Variants in RAP2A observed in about 807,000 individuals in gnomAD.
The protein encoded by RAP2A is RAP2A, member of RAS oncogene family, also known as ras-related protein Rap-2a.
RAP2A carries 5 observed loss-of-function variants against 15.1 expected under a neutral mutation model. That is an observed-to-expected ratio of 0.33 (90% CI 0.17 to 0.70). The LOEUF (loss-of-function observed/expected upper bound fraction) is 0.70. RAP2A is among the 30% of genes least tolerant of loss of function. RAP2A has a pLI of 0.68. For synonymous variants in RAP2A, 110 were observed against 99.7 expected (o/e 1.10, Z -0.62); for missense variants, 111 against 240.3 (o/e 0.46, Z 3.56).
chr13:97,458,931 G>C (rs896877341), intron 1 of RAP2A, among the ~76,000 whole-genome samples: 1 of 152,036 alleles, frequency 6.6e-6, no homozygotes, highest in Non-Finnish European at 1.5e-5. Context: ...AAGCAGAGCT[G>C]CTTAAAAGAA....
intron 1 of RAP2A, among the ~76,000 whole-genome samples, chr13:97,454,707 A>G (rs772208605): frequency 1.3e-5 from 2 of 151,362 alleles, no homozygotes; most frequent in East Asian, 1.9e-4. Context: ...AGTATTTACT[A>G]TTTTTCTTTC....
intron 1 of RAP2A, among the ~76,000 whole-genome samples, chr13:97,449,340 A>T (rs1296519661): frequency 6.6e-6 from 1 of 152,184 alleles, no homozygotes. Context: ...ACCAGTTAGG[A>T]GACTGTTGCA....
intron 1 of RAP2A, among the ~76,000 whole-genome samples, chr13:97,440,853 A>G (rs567920732): frequency 6.6e-5 from 10 of 152,326 alleles, no homozygotes; most frequent in Admixed American, 2.0e-4. Context: ...AGAACACAAC[A>G]TAAGTTCTGT....
chr13:97,463,337 C>A (rs2066756356), intron 1 of RAP2A, among the ~76,000 whole-genome samples: 1 of 152,168 alleles, frequency 6.6e-6, no homozygotes, highest in African/African-American at 2.4e-5. Context: ...GAGCTTCTTT[C>A]TTTGTTCTTT....
At chr13:97,445,832 G>C (rs1254158766) in intron 1 of RAP2A, among the ~76,000 whole-genome samples, 1 of 152,126 alleles carries the variant, frequency 6.6e-6, no homozygotes, top group Non-Finnish European at 1.5e-5. Context: ...CTTAATTATG[G>C]TAGGATGCCT....
At chr13:97,456,490 G>A (rs1401787980) in intron 1 of RAP2A, among the ~76,000 whole-genome samples, 3 of 152,080 alleles carry the variant, frequency 2.0e-5, no homozygotes, top group African/African-American at 4.8e-5. Context: ...GTTCTCAAGT[G>A]GTTTTTAAAT....
At chr13:97,452,606 T>C (rs1164186927) in intron 1 of RAP2A, among the ~76,000 whole-genome samples, 2 of 149,972 alleles carry the variant, frequency 1.3e-5, no homozygotes, top group Non-Finnish European at 3.0e-5. Context: ...TGCATTTCTG[T>C]AGAATCCTTT....
At position 97,462,051 on chromosome 13, in the gene RAP2A, T is replaced by C. The variant is rs1379718656; in HGVS notation, c.315-2154T>C. ...ATATATTTATATATATTTATATATA[T>C]ATTTATATATATATTTATATATTAT... On this transcript the variant is annotated intron_variant, in intron 1 of 1. Coordinates refer to ENST00000245304, the MANE Select transcript of RAP2A (RefSeq NM_021033.7). Among the ~76,000 whole-genome samples the C allele has an allele frequency of 4.1e-5, 6 of 145,660 alleles. No individual in the cohort carries two copies. The South Asian group carries it at 6.3e-4, about 15-fold the overall frequency.
Position 97,469,031 on chromosome 13 carries a change from T to C in RAP2A, c.*4589T>C, listed in dbSNP as rs2066784331. ...AAATATGTTGCCACATAAATACTAA[T>C]AAAACATAGTTGCTCTTCATCTCTT... On this transcript the variant is annotated 3_prime_UTR_variant, in exon 2 of 2. Coordinates refer to ENST00000245304, the MANE Select transcript of RAP2A (RefSeq NM_021033.7). 1 of 152,248 alleles carries C rather than the reference T, an allele frequency of 6.6e-6. No individual in the cohort carries two copies. The highest frequency in any genetic ancestry group is 2.4e-5 in the African/African-American group (1 of 41,468). 9.4% of individuals were successfully genotyped at this position (152,248 alleles called of 1,614,324 possible). A position where few individuals can be genotyped will look rare whatever the true frequency, so the allele number is the denominator to read the frequency against.
chr13:97,442,992 T>C (rs1451894816), intron 1 of RAP2A, among the ~76,000 whole-genome samples: 1 of 152,226 alleles, frequency 6.6e-6, no homozygotes, highest in African/African-American at 2.4e-5. Context: ...ATTCTAGTAA[T>C]TCAAGATAAC....
chr13:97,448,150 A>T (rs1452544145), intron 1 of RAP2A, among the ~76,000 whole-genome samples: 1 of 152,152 alleles, frequency 6.6e-6, no homozygotes, highest in African/African-American at 2.4e-5. Context: ...AAAGGTATCT[A>T]TCCTGTTTTT....
chr13:97,444,728 C>T (rs2066672728), intron 1 of RAP2A, among the ~76,000 whole-genome samples: 2 of 152,088 alleles, frequency 1.3e-5, no homozygotes, highest in Admixed American at 1.3e-4. Context: ...AATATTTTTG[C>T]ACCAAAAACA....
rs529944416 is a variant in RAP2A at position 97,448,520 on chromosome 13, T to G, written c.314+13736T>G. 3.3e-5 allele frequency among the ~76,000 whole-genome samples: 5 copies of G among 152,270 alleles called. No homozygotes were observed. The South Asian group carries it at 8.3e-4, about 25-fold the overall frequency. ...TCATCATCTTCCTTAACATTACACC[T>G]AAGTATCAATTAATGTTTGTTTCAC... On this transcript the variant is annotated intron_variant, in intron 1 of 1. Coordinates refer to ENST00000245304, the MANE Select transcript of RAP2A (RefSeq NM_021033.7).
intron 1 of RAP2A, among the ~76,000 whole-genome samples, chr13:97,439,500 T>C (rs946805146): frequency 6.6e-6 from 1 of 152,204 alleles, no homozygotes; most frequent in Non-Finnish European, 1.5e-5. Context: ...CCTTGACATT[T>C]TGAAATGAAC....
Position 97,464,811 on chromosome 13 carries a change from C to G in RAP2A, c.*369C>G, listed in dbSNP as rs890754547. ...CCAGAAGAATTCCTCTGACCACTTA[C>G]AATTAAAATATTTTGTCTTCTTTAA... On this transcript the variant is annotated 3_prime_UTR_variant, in exon 2 of 2. Coordinates refer to ENST00000245304, the MANE Select transcript of RAP2A (RefSeq NM_021033.7). The G allele has an allele frequency of 1.1e-5, 2 of 179,540 alleles. No homozygotes were observed. The highest frequency in any genetic ancestry group is 2.3e-5 in the Non-Finnish European group (2 of 86,286). 11.1% of individuals were successfully genotyped at this position (179,540 alleles called of 1,614,324 possible).
chr13:97,440,241 T>G (rs573223627), intron 1 of RAP2A, among the ~76,000 whole-genome samples: 55 of 152,002 alleles, frequency 3.6e-4, no homozygotes, highest in Admixed American at 1.0e-3. Context: ...GGTCACTTTT[T>G]TTTTGTTTTG....
chr13:97,468,612 T>C lies in RAP2A; in HGVS notation c.*4170T>C, dbSNP rs925046832. The C allele has an allele frequency of 1.3e-5, 2 of 152,238 alleles. No individual in the cohort carries two copies. Among genetic ancestry groups the C allele is most frequent in the Non-Finnish European group, 2.9e-5 (2 of 68,040 alleles). The allele number at this position is 152,238 out of a possible 1,614,324, so 9.4% of individuals were successfully genotyped here. On this transcript the variant is annotated 3_prime_UTR_variant, in exon 2 of 2. Transcript: ENST00000245304. ...GCAGCATTCCACCAGTTGAGAAGCT[T>C]CATTGTTTTAGATTATAAGAATAAT...
intron 1 of RAP2A, among the ~76,000 whole-genome samples, chr13:97,461,615 C>T (rs541444733): frequency 3.9e-5 from 6 of 152,232 alleles, no homozygotes; most frequent in African/African-American, 1.4e-4. Flanking sequence ...TGAAAATCCA[C>T]ATATTCTAGT....
intron 1 of RAP2A, among the ~76,000 whole-genome samples, chr13:97,459,230 C>T (rs1334501850): frequency 6.6e-6 from 1 of 151,304 alleles, no homozygotes; most frequent in African/African-American, 2.4e-5. Context: ...AATTTTGCAT[C>T]TTTAGCTTTA....
Sources: allele counts gnomAD v4.1 joint callset (sites outside exome capture counted in the v4.1 genomes callset), GRCh38; gene constraint gnomAD v4.1.1; transcripts MANE v1.5; gene names NCBI Gene and HGNC (gene_info 2026-07-23, HGNC 2026-07-21).